The following COL27A1 variants were observed in gnomAD, a reference collection of about 807,000 sequenced individuals.
COL27A1 encodes collagen type XXVII alpha 1 chain.
Under a neutral mutation model 251.3 loss-of-function variants are expected in COL27A1, and 106 were observed. The observed-to-expected ratio is 0.42, with a 90% CI of 0.36 to 0.50. The LOEUF is 0.50. Ranked by LOEUF, COL27A1 falls within the 20% of genes least tolerant of loss-of-function variation. COL27A1 has a pLI of 0.00. For missense variants in COL27A1, 2,325 were observed against 2,522.8 expected, an observed-to-expected ratio of 0.92 and a Z score of 1.68; for synonymous variants, 1,000 against 986.3, an observed-to-expected ratio of 1.01 and a Z score of -0.26.
intron 25 of COL27A1, among the ~76,000 whole-genome samples, chr9:114,251,636 T>C (rs16927596): frequency 0.059 from 8,990 of 152,320 alleles, 442 homozygotes; most frequent in African/African-American, 0.13. Flanking sequence ...GGGCTTCTGC[T>C]GTTGCTCAAA....
intron 24 of COL27A1, among the ~76,000 whole-genome samples, chr9:114,246,362 TG>T (rs146577583): frequency 0.073 from 11,117 of 152,272 alleles, 462 homozygotes; most frequent in Non-Finnish European, 0.1. Context: ...CCAGTGGCTC[TG>T]GCTGGTTGAG....
chr9:114,289,400 A>G (rs1588879460), intron 45 of COL27A1, 105 bp downstream of exon 45: 5 of 1,136,492 alleles, frequency 4.4e-6, no homozygotes, highest in Non-Finnish European at 6.1e-6. Flanking sequence ...GCTGCGAGGC[A>G]GGGTAGGGAG....
rs773468575 is a variant in COL27A1, at chr9:114,167,855, G to A, written c.300G>A (p.Leu100=). ...IPAALGTELA[L]VLSLCSHRVN... ...CCGCCTTGGGCACAGAGCTGGCACT[G>A]GTGCTGAGCCTCTGCTCCCACCGGG... The change falls in exon 3 of 61, where the codon CTG becomes CTA. Residue 100 remains leucine, a synonymous_variant. Coordinates refer to ENST00000356083, the MANE Select transcript of COL27A1 (RefSeq NM_032888.4). 3.7e-6 allele frequency: 6 copies of A among 1,613,392 alleles called. No individual in the cohort carries two copies. Among genetic ancestry groups the A allele is most frequent in the Non-Finnish European group, 5.1e-6 (6 of 1,179,984 alleles).
At chr9:114,193,045 C>T (rs1828857194) in intron 5 of COL27A1, among the ~76,000 whole-genome samples, 1 of 152,022 alleles carries the variant, frequency 6.6e-6, no homozygotes, top group Non-Finnish European at 1.5e-5. Context: ...ATGTGTGGTC[C>T]CCACTTTAAA....
chr9:114,252,616 C>T lies in COL27A1; in HGVS notation c.3057C>T (p.Pro1019=), dbSNP rs780362361. 6.2e-7 allele frequency: 1 copy of T among 1,613,990 alleles called. No homozygotes were observed. The highest frequency in any genetic ancestry group is 8.5e-7 in the Non-Finnish European group (1 of 1,180,020). The part of the protein sequence containing the change: ...GEKGDRGMMG[P]PGVPGPKGSM... ...AGGGTGATCGTGGCATGATGGGACC[C>T]CCAGGCGTGCCTGGACCCAAGGGGT... The change falls in exon 26 of 61, where the codon CCC becomes CCT. Residue 1019 remains proline (P), a synonymous_variant. Coordinates refer to ENST00000356083, the MANE Select transcript of COL27A1 (RefSeq NM_032888.4).
At chr9:114,238,938 G>T (rs991508944) in intron 19 of COL27A1, among the ~76,000 whole-genome samples, 1 of 152,188 alleles carries the variant, frequency 6.6e-6, no homozygotes, top group Non-Finnish European at 1.5e-5. Context: ...GCTTCCTCAG[G>T]GTTGCTCTGC....
In COL27A1 at chr9:114,290,698, G is replaced by T; in HGVS notation, c.4369-112G>T. On this transcript the variant is annotated intron_variant, in intron 47 of 60. Transcript: ENST00000356083. This position sits in a 1 kb window ranked among gnomAD's most constrained non-coding sequence, Gnocchi z 4.6. ...CAGGCCGTCTGACCTCCATCCTGGA[G>T]TGTGACCCCTTCCTCCAGCTTCACC... 1 of 772,140 alleles carries T rather than the reference G, an allele frequency of 1.3e-6. No homozygotes were observed. The highest frequency in any genetic ancestry group is 2.1e-6 in the Non-Finnish European group (1 of 476,306). 47.8% of individuals were successfully genotyped at this position (772,140 alleles called of 1,614,324 possible).
chr9:114,244,381 A>T (rs1832970591), intron 23 of COL27A1, among the ~76,000 whole-genome samples: 1 of 152,200 alleles, frequency 6.6e-6, no homozygotes, highest in Non-Finnish European at 1.5e-5. Context: ...ATATATTAAC[A>T]GGGTTTTTAA....
intron 14 of COL27A1, among the ~76,000 whole-genome samples, chr9:114,229,034 G>A (rs1192461522): frequency 6.6e-6 from 1 of 152,110 alleles, no homozygotes; most frequent in African/African-American, 2.4e-5. Context: ...ATGTTGCCCA[G>A]GCTGGTCTTG....
At chr9:114,180,480 C>T (rs1256676220) in intron 4 of COL27A1, among the ~76,000 whole-genome samples, 2 of 152,168 alleles carry the variant, frequency 1.3e-5, no homozygotes, top group Non-Finnish European at 2.9e-5. Flanking sequence ...TGCCTGCACG[C>T]CACCCCAACT....
chr9:114,265,097 C>T lies in COL27A1; in HGVS notation c.3326C>T (p.Ser1109Leu), dbSNP rs779455677. 43 of 1,610,860 alleles carry T rather than the reference C, an allele frequency of 2.7e-5. No individual in the cohort carries two copies. Among genetic ancestry groups the T allele is most frequent in the Middle Eastern group, 1.6e-4 (1 of 6,066 alleles). Reference protein sequence around the residue: ...GVAGERGHLGSRGFPGIPGPS... With the variant: ...GVAGERGHLGLRGFPGIPGPS... The stretch of plus-strand genomic sequence containing the variant: ...GCTGGTGAGCGAGGCCACTTGGGCT[C>T]GAGAGGCTTTCCTGTAAGTAGCACC... Residue 1109 changes from serine (S) to leucine (L), a missense_variant, in exon 31 of 61, where the codon TCG (serine) becomes TTG (leucine). By Grantham distance (145) the Ser-to-Leu change is moderately radical. Coordinates refer to ENST00000356083, the MANE Select transcript of COL27A1 (RefSeq NM_032888.4).
intron 12 of COL27A1, among the ~76,000 whole-genome samples, chr9:114,218,992 G>T (rs1005192106): frequency 4.0e-5 from 6 of 151,042 alleles, no homozygotes; most frequent in Non-Finnish European, 7.4e-5. Context: ...GAAAAACAAT[G>T]ATTTGAATTC....
chr9:114,252,818 G>A (rs1164865546), intron 26 of COL27A1, 61 bp from the exon 27 acceptor site: 2 of 1,556,570 alleles, frequency 1.3e-6, no homozygotes, highest in African/African-American at 2.7e-5. Context: ...GCCGACCGAG[G>A]TGGGACTGAA....
intron 32 of COL27A1, among the ~76,000 whole-genome samples, chr9:114,266,026 C>T (rs1251605833): frequency 6.6e-6 from 1 of 152,138 alleles, no homozygotes; most frequent in Non-Finnish European, 1.5e-5. Flanking sequence ...TGTGGGGGGA[C>T]AGTCCAGGAA....
intron 59 of COL27A1, 73 bp downstream of exon 59, chr9:114,307,851 C>T (rs1829168317): frequency 9.3e-7 from 1 of 1,080,892 alleles, no homozygotes; most frequent in Admixed American, 1.8e-5. Context: ...CCACAACCAA[C>T]CCAGGTTCTG....
chr9:114,156,123 C>T, intron 1 of COL27A1, 111 bp downstream of exon 1: 3 of 1,271,180 alleles, frequency 2.4e-6, no homozygotes, highest in Non-Finnish European at 3.0e-6. Flanking sequence ...CAGCTTCCTG[C>T]CCCTTCCTGC....
chr9:114,304,576 C>T (rs1360588159), intron 56 of COL27A1, 32 bp from the exon 57 acceptor site: 1 of 1,611,628 alleles, frequency 6.2e-7, no homozygotes, highest in South Asian at 1.1e-5. Flanking sequence ...CCTGGGGGGC[C>T]ACGATACATA....
In COL27A1 at chr9:114,310,724, C is replaced by T; in HGVS notation, c.*29C>T. 2 of 1,612,508 alleles carry T rather than the reference C, an allele frequency of 1.2e-6. No individual in the cohort carries two copies. The highest frequency in any genetic ancestry group is 1.7e-6 in the Non-Finnish European group (2 of 1,178,936). ...CTGACCTCGTGGCCACTCTAGGCCT[C>T]ACGGAGGAGGGAAGAGGAAGAGGCA... On this transcript the variant is annotated 3_prime_UTR_variant, in exon 61 of 61. Transcript: ENST00000356083.
chr9:114,166,438 T>C (rs1489744698), intron 2 of COL27A1, among the ~76,000 whole-genome samples: 12 of 134,212 alleles, frequency 8.9e-5, no homozygotes, highest in Non-Finnish European at 1.9e-4. Flanking sequence ...CATCCATCCA[T>C]TCATCTATCC....
Sources: allele counts gnomAD v4.1 joint callset (sites outside exome capture counted in the v4.1 genomes callset), GRCh38; gene constraint gnomAD v4.1.1; non-coding constraint Gnocchi (gnomAD v3.1); transcripts MANE v1.5; gene names NCBI Gene and HGNC (gene_info 2026-07-23, HGNC 2026-07-21).